ELP1: variants seen among roughly 807,000 people sequenced by gnomAD.
ELP1 encodes the protein elongator acetyltransferase complex subunit 1.
A neutral mutation model predicts 183.2 loss-of-function variants in ELP1; 131 were observed. The observed-to-expected ratio is 0.72, with a 90% confidence interval of 0.62 to 0.83. The LOEUF (loss-of-function observed/expected upper bound fraction) is 0.83, where lower values mean the gene tolerates loss of function less well. Ranked by LOEUF, ELP1 falls within the 40% of genes least tolerant of loss-of-function variation. ELP1 has a pLI of 0.00. For missense variants in ELP1, 1,550 were observed against 1,594.9 expected (o/e 0.97, Z 0.48); for synonymous variants, 555 against 569.0 (o/e 0.98, Z 0.35).
At chr9:108,919,890 C>G (rs1056318930) in intron 6 of ELP1, among the ~76,000 whole-genome samples, 6 of 152,158 alleles carry the variant, frequency 3.9e-5, no homozygotes, top group African/African-American at 1.4e-4. Context: ...ACGTGTATCT[C>G]AATCCTGAAG....
chr9:108,915,200 T>C (rs1292814899), intron 10 of ELP1, among the ~76,000 whole-genome samples: 4 of 152,250 alleles, frequency 2.6e-5, no homozygotes, highest in African/African-American at 9.6e-5. Context: ...TTAGTGTTTT[T>C]TCTGTGGTAA....
chr9:108,880,229 C>T (rs541942558), intron 31 of ELP1, 64 bp from the exon 32 acceptor site: 174 of 1,079,254 alleles, frequency 1.6e-4, no homozygotes, highest in Non-Finnish European at 2.2e-4. Flanking sequence ...AAACTAAAGG[C>T]GGGGAGCAGT....
intron 36 of ELP1, among the ~76,000 whole-genome samples, chr9:108,871,414 A>G (rs1013118832): frequency 6.6e-6 from 1 of 152,200 alleles, no homozygotes; most frequent in African/African-American, 2.4e-5. Flanking sequence ...GCAAGATACT[A>G]CTTAACTTCA....
At chr9:108,922,779 C>G in intron 6 of ELP1, 63 bp downstream of exon 6, 2 of 1,244,476 alleles carry the variant, frequency 1.6e-6, no homozygotes, top group Non-Finnish European at 1.2e-6. Context: ...CAAAGAGTTC[C>G]TGGTGGGTGG....
chr9:108,899,310 C>A (rs10979603), intron 20 of ELP1, among the ~76,000 whole-genome samples: 75 of 85,658 alleles, frequency 8.8e-4, no homozygotes, highest in African/African-American at 2.4e-3. Flanking sequence ...AAAAAAAAAA[C>A]AAAGAAAATC....
intron 14 of ELP1, 106 bp downstream of exon 14, chr9:108,906,197 T>C: frequency 9.4e-7 from 1 of 1,069,454 alleles, no homozygotes; most frequent in African/African-American, 1.5e-5. Flanking sequence ...AGAAAGCTAC[T>C]GCTCCTCAAC....
Position 108,893,093 on chromosome 9 carries a change from A to G in ELP1, c.2861-10T>C, listed in dbSNP as rs1828406187. 1 of 1,581,978 alleles carries G rather than the reference A, an allele frequency of 6.3e-7. No homozygotes were observed. The highest frequency in any genetic ancestry group is 8.7e-7 in the Non-Finnish European group (1 of 1,150,902). On this transcript the variant is annotated splice_polypyrimidine_tract_variant and intron_variant, in intron 26 of 36. Transcript: ENST00000374647. ...GGGAAGTACTCAGGTCCTGCAGGAA[A>G]AAGATTCACACAAAGACAGGCTTAA...
intron 12 of ELP1, among the ~76,000 whole-genome samples, chr9:108,910,006 T>C (rs910619197): frequency 1.3e-5 from 2 of 152,148 alleles, no homozygotes; most frequent in Non-Finnish European, 2.9e-5. Flanking sequence ...ACACTTTAAA[T>C]AGATGAATGA....
chr9:108,901,386 G>T, intron 18 of ELP1, 39 bp downstream of exon 18: 1 of 1,408,250 alleles, frequency 7.1e-7, no homozygotes, highest in East Asian at 2.3e-5. Context: ...AAAGACATTG[G>T]AGAAGGGACC....
chr9:108,888,031 C>A (rs529090479), intron 29 of ELP1, among the ~76,000 whole-genome samples: 23 of 152,188 alleles, frequency 1.5e-4, no homozygotes, highest in Non-Finnish European at 2.8e-4. Context: ...AAATGTACAT[C>A]AACTGGTAAA....
In ELP1 at chr9:108,916,652, C is replaced by A. The variant is rs181126000; in HGVS notation, c.865-355G>T. Among the ~76,000 whole-genome samples the A allele has an allele frequency of 1.5e-3, 228 of 152,042 alleles. 4 individuals carry two copies. Among genetic ancestry groups the A allele is most frequent in the Non-Finnish European group, 2.9e-4 (20 of 67,982 alleles). ...ATTATGGTTATGTAAAGAAAAATGTCCTTAACTGTTATAAATAAATATTGA... is the reference window on the plus strand; with the variant it reads ...ATTATGGTTATGTAAAGAAAAATGTACTTAACTGTTATAAATAAATATTGA... On this transcript the variant is annotated intron_variant, in intron 9 of 36. Transcript: ENST00000374647.
chr9:108,901,085 G>A (rs1169294865), intron 18 of ELP1, among the ~76,000 whole-genome samples: 4 of 152,072 alleles, frequency 2.6e-5, no homozygotes, highest in Non-Finnish European at 5.9e-5. Flanking sequence ...GGCACAGTGG[G>A]AAAAGACTAC....
intron 36 of ELP1, 121 bp from the exon 37 acceptor site, chr9:108,869,303 C>A (rs1191827370): frequency 1.2e-6 from 1 of 848,518 alleles, no homozygotes; most frequent in Non-Finnish European, 2.0e-6. Flanking sequence ...ACCATCAGAG[C>A]CAGAGTTCAT....
At position 108,879,532 on chromosome 9, in the gene ELP1, C is replaced by T. The variant is rs1179560945; in HGVS notation, c.3486G>A (p.Glu1162=). The T allele has an allele frequency of 7.4e-6, 12 of 1,614,070 alleles. No homozygotes were observed. The highest frequency in any genetic ancestry group is 1.0e-5 in the Non-Finnish European group (12 of 1,179,924). Residue 1162 remains glutamate, a synonymous_variant, in exon 33 of 37, where the codon GAG becomes GAA. Transcript: ENST00000374647. Reference sequence around the variant, plus strand: ...TGCTAGTTTCAGAGAAGAGGTCTGACTCTTGCCCGTGGGGTACCTCATCAT... The same window carrying T: ...TGCTAGTTTCAGAGAAGAGGTCTGATTCTTGCCCGTGGGGTACCTCATCAT... ...GLDDEVPHGQ[E]SDLFSETSSV... is the part of the protein sequence containing the mutation.
intron 5 of ELP1, among the ~76,000 whole-genome samples, chr9:108,925,752 G>A (rs1185591850): frequency 2.6e-5 from 4 of 152,036 alleles, no homozygotes; most frequent in East Asian, 1.9e-4. Context: ...GTCTCCCTAC[G>A]TTGCCTAGGC....
Position 108,927,348 on chromosome 9 carries a change from G to A in ELP1, c.385+24C>T, listed in dbSNP as rs745333931. ...CTGGAATAATGTTTTAAAAAAGCCA[G>A]TGAGGCACCAGTAACAAGCTTACCT... is the stretch of plus-strand genomic sequence containing the variant. On this transcript the variant is annotated intron_variant, in intron 4 of 36. Coordinates refer to ENST00000374647, the MANE Select transcript of ELP1 (RefSeq NM_003640.5). 7 of 1,582,964 alleles carry A rather than the reference G, an allele frequency of 4.4e-6. No individual in the cohort carries two copies. In the South Asian group the frequency reaches 4.4e-5, roughly 10 times the overall value.
Position 108,931,094 on chromosome 9 carries a change from G to A in ELP1, c.53C>T (p.Pro18Leu). ...GAGAGAGAAGCACTGAGGATTCCCT[G>A]GACCTTGAATATCCCTGAACTCCAG... is the stretch of plus-strand genomic sequence containing the variant. ...RTLEFRDIQGPGNPQCFSLRT... is the reference protein window; with the variant it reads ...RTLEFRDIQGLGNPQCFSLRT... Residue 18 changes from proline to leucine, a missense_variant, in exon 2 of 37, where the codon CCA becomes CTA. By Grantham distance (98) the Pro-to-Leu change is moderately conservative. Coordinates refer to ENST00000374647, the MANE Select transcript of ELP1 (RefSeq NM_003640.5). 6.2e-7 allele frequency: 1 copy of A among 1,614,026 alleles called. No homozygotes were observed. The highest frequency in any genetic ancestry group is 8.5e-7 in the Non-Finnish European group (1 of 1,179,898).
intron 3 of ELP1, 29 bp from the exon 4 acceptor site, chr9:108,927,482 T>C (rs2132045743): frequency 6.5e-7 from 1 of 1,548,194 alleles, no homozygotes; most frequent in Non-Finnish European, 8.9e-7. Flanking sequence ...AAAAGAGAGA[T>C]TCAAACACTA....
At chr9:108,931,500 G>C (rs1830002435) in intron 1 of ELP1, among the ~76,000 whole-genome samples, 1 of 152,170 alleles carries the variant, frequency 6.6e-6, no homozygotes, top group South Asian at 2.1e-4. Flanking sequence ...CTTTGGGAAA[G>C]TTGAAAGAAC....
Sources: gnomAD v4.1 joint callset for allele counts (sites outside exome capture counted in the v4.1 genomes callset) on GRCh38, gnomAD v4.1.1 for gene constraint, MANE v1.5 for transcripts, NCBI Gene and HGNC (gene_info 2026-07-23, HGNC 2026-07-21) for gene names.